SLC38A9: variants seen among roughly 807,000 people sequenced by gnomAD.
SLC38A9 encodes the protein neutral amino acid transporter 9.
A neutral mutation model predicts 62.3 loss-of-function variants in SLC38A9; 48 were observed. The observed-to-expected ratio is 0.77, with a 90% CI of 0.61 to 0.98. The LOEUF (loss-of-function observed/expected upper bound fraction) is 0.98, where lower values mean the gene tolerates loss of function less well. Ranked by LOEUF, SLC38A9 falls within the 50% of genes least tolerant of loss-of-function variation. SLC38A9 has a pLI of 0.00. For synonymous variants in SLC38A9, 204 were observed against 227.7 expected (o/e 0.90, Z 0.94); for missense variants, 541 against 679.8 (o/e 0.80, Z 2.27).
chr5:55,699,991 C>T (rs906297879), intron 2 of SLC38A9, among the ~76,000 whole-genome samples: 1 of 152,066 alleles, frequency 6.6e-6, no homozygotes, highest in African/African-American at 2.4e-5. Flanking sequence ...AGATACCTAT[C>T]TACAGATTTA....
chr5:55,653,773 C>T (rs1277518328), intron 9 of SLC38A9, among the ~76,000 whole-genome samples: 1 of 152,090 alleles, frequency 6.6e-6, no homozygotes, highest in African/African-American at 2.4e-5. Context: ...ATTCTCCTAC[C>T]TCAGCCTCCT....
intron 12 of SLC38A9, among the ~76,000 whole-genome samples, chr5:55,640,175 G>A (rs113424592): frequency 0.049 from 7,431 of 151,798 alleles, 312 homozygotes; most frequent in African/African-American, 0.12. Context: ...TAGTAGAGAC[G>A]GGGTTTTGCC....
chr5:55,697,673 A>T (rs1332031168), intron 3 of SLC38A9, among the ~76,000 whole-genome samples, 173 bp downstream of exon 3: 71 of 150,254 alleles, frequency 4.7e-4, no homozygotes, highest in African/African-American at 1.4e-3. Flanking sequence ...AAAAAAAAAA[A>T]AATATAAACC....
intron 11 of SLC38A9, among the ~76,000 whole-genome samples, chr5:55,646,397 T>C (rs1412399436): frequency 6.6e-6 from 1 of 151,976 alleles, no homozygotes; most frequent in African/African-American, 2.4e-5. Context: ...TCTGTGCAGG[T>C]GCTTTATATC....
chr5:55,709,435 G>C (rs1757711017), intron 2 of SLC38A9, among the ~76,000 whole-genome samples: 1 of 151,192 alleles, frequency 6.6e-6, no homozygotes, highest in East Asian at 1.9e-4. Flanking sequence ...ATACCATATA[G>C]GTCCAGTGTG....
At chr5:55,658,510 T>C (rs553421362) in intron 8 of SLC38A9, among the ~76,000 whole-genome samples, 1 of 152,222 alleles carries the variant, frequency 6.6e-6, no homozygotes, top group East Asian at 1.9e-4. Context: ...GAAGGCCATG[T>C]GAAGATGGAG....
intron 14 of SLC38A9, 118 bp from the exon 15 acceptor site, chr5:55,628,098 T>C: frequency 1.6e-6 from 1 of 643,624 alleles, no homozygotes; most frequent in East Asian, 2.8e-5. Context: ...TGTCTTAAGC[T>C]TGATAAAATC....
At chr5:55,627,189 A>G (rs1041098519) in intron 15 of SLC38A9, among the ~76,000 whole-genome samples, 2 of 152,194 alleles carry the variant, frequency 1.3e-5, no homozygotes, top group African/African-American at 4.8e-5. Context: ...GAACAGTTCA[A>G]TAGGAACTGG....
chr5:55,638,198 T>C (rs1744776027), intron 12 of SLC38A9, among the ~76,000 whole-genome samples: 1 of 152,202 alleles, frequency 6.6e-6, no homozygotes, highest in Admixed American at 6.5e-5. Flanking sequence ...AGCTGAGGTT[T>C]AGCATGACAC....
chr5:55,675,976 A>C (rs1176237154), intron 3 of SLC38A9, among the ~76,000 whole-genome samples: 1 of 152,190 alleles, frequency 6.6e-6, no homozygotes. Flanking sequence ...GGTACAACTG[A>C]ATTCAGTATT....
chr5:55,677,998 T>C (rs572117822), intron 3 of SLC38A9, among the ~76,000 whole-genome samples: 26 of 128,096 alleles, frequency 2.0e-4, no homozygotes, highest in Middle Eastern at 5.2e-3. Context: ...GCTGGAACAA[T>C]TGGGTGGTAA....
chr5:55,679,598 T>TCGG, intron 3 of SLC38A9, among the ~76,000 whole-genome samples: 2 of 94,354 alleles, frequency 2.1e-5, no homozygotes, highest in Non-Finnish European at 5.3e-5. Flanking sequence ...TTTTTAGTTT[T>TCGG]TTGTTTTTTT....
At chr5:55,641,569 A>C (rs913418897) in intron 12 of SLC38A9, among the ~76,000 whole-genome samples, 2 of 152,180 alleles carry the variant, frequency 1.3e-5, no homozygotes, top group Non-Finnish European at 2.9e-5. Flanking sequence ...TTTCTTTTAT[A>C]ACTCTCTATA....
intron 11 of SLC38A9, among the ~76,000 whole-genome samples, chr5:55,647,190 T>TATTTA (rs60385661): frequency 0.59 from 89,829 of 151,302 alleles, 27,311 homozygotes; most frequent in South Asian, 0.7. Flanking sequence ...ATTTTTTATT[T>TATTTA]TTTTTTGCAA....
intron 3 of SLC38A9, among the ~76,000 whole-genome samples, chr5:55,686,927 G>T (rs1231364676): frequency 6.6e-6 from 1 of 152,098 alleles, no homozygotes; most frequent in Non-Finnish European, 1.5e-5. Context: ...GATAGTTGTA[G>T]GTGTTCGGTC....
intron 6 of SLC38A9, 54 bp downstream of exon 6, chr5:55,669,503 C>A (rs761827207): frequency 6.8e-7 from 1 of 1,478,472 alleles, no homozygotes. Flanking sequence ...ATAAAACTTA[C>A]AATATAAAGA....
intron 14 of SLC38A9, among the ~76,000 whole-genome samples, chr5:55,630,122 C>T (rs1743169967): frequency 6.6e-6 from 1 of 152,152 alleles, no homozygotes; most frequent in Admixed American, 6.5e-5. Flanking sequence ...AGAATATCCA[C>T]AATTATATGA....
intron 12 of SLC38A9, among the ~76,000 whole-genome samples, chr5:55,640,883 C>G (rs991497810): frequency 6.6e-6 from 1 of 152,208 alleles, no homozygotes; most frequent in African/African-American, 2.4e-5. Context: ...GTTGCCCATG[C>G]TGGAGTGCAA....
chr5:55,685,314 T>G (rs1753626024), intron 3 of SLC38A9, among the ~76,000 whole-genome samples: 1 of 152,198 alleles, frequency 6.6e-6, no homozygotes, highest in African/African-American at 2.4e-5. Flanking sequence ...TCTGTTTCTA[T>G]GGCTTTACCG....
Sources: gnomAD v4.1 joint callset for allele counts (sites outside exome capture counted in the v4.1 genomes callset) on GRCh38, gnomAD v4.1.1 for gene constraint, MANE v1.5 for transcripts, NCBI Gene and HGNC (gene_info 2026-07-23, HGNC 2026-07-21) for gene names.